Variants in ATP8B1 observed in about 807,000 individuals in gnomAD.
ATP8B1 encodes the protein phospholipid-transporting ATPase IC.
A neutral mutation model predicts 149.9 loss-of-function variants in ATP8B1; 80 were observed. The ratio of observed to expected loss-of-function variants is 0.53; its 90% confidence interval spans 0.45 to 0.64. The LOEUF (loss-of-function observed/expected upper bound fraction) is 0.64, where lower values mean the gene tolerates loss of function less well. ATP8B1 is among the 30% of genes least tolerant of loss of function. The pLI is 0.00. For missense variants in ATP8B1, 1,247 were observed against 1,552.6 expected, an observed-to-expected ratio of 0.80 and a Z score of 3.31; for synonymous variants, 536 against 562.8, an observed-to-expected ratio of 0.95 and a Z score of 0.67.
At chr18:57,742,658 C>A (rs953601902) in intron 1 of ATP8B1, among the ~76,000 whole-genome samples, 1 of 151,890 alleles carries the variant, frequency 6.6e-6, no homozygotes, top group African/African-American at 2.4e-5. Flanking sequence ...ATGGCAAGAC[C>A]CCATCTCTAC....
At chr18:57,693,674 C>A (rs1162962054) in intron 11 of ATP8B1, among the ~76,000 whole-genome samples, 1 of 152,022 alleles carries the variant, frequency 6.6e-6, no homozygotes, top group East Asian at 1.9e-4. Context: ...TGCCATTGTA[C>A]TCCAGCCTGG....
rs1355579885 is a variant in ATP8B1 at position 57,685,109 on chromosome 18, T to A, written c.1436A>T (p.His479Leu). 2 of 1,614,214 alleles carry A rather than the reference T, an allele frequency of 1.2e-6. No individual in the cohort carries two copies. The highest frequency in any genetic ancestry group is 1.7e-6 in the Non-Finnish European group (2 of 1,180,032). ...GTGGTTGTGTTGAGAGGCATCCCGA[T>A]GGTCCCCTGAGAAACAAACAGGACA... ...CCINGQIYGDHRDASQHNHNK... is the reference protein window; with the variant it reads ...CCINGQIYGDLRDASQHNHNK... Residue 479 changes from histidine (H) to leucine (L), a missense_variant, in exon 14 of 28, where the codon CAT becomes CTT. Physicochemically the swap from His to Leu is moderately conservative, Grantham distance 99. Transcript: ENST00000648908.
At chr18:57,699,819 C>T (rs1253656372) in intron 6 of ATP8B1, among the ~76,000 whole-genome samples, 3 of 152,160 alleles carry the variant, frequency 2.0e-5, no homozygotes, top group African/African-American at 7.2e-5. Flanking sequence ...TCCCAAAGTG[C>T]TGAGATTACA....
At chr18:57,779,610 A>G (rs1465326951) in intron 1 of ATP8B1, among the ~76,000 whole-genome samples, 1 of 152,180 alleles carries the variant, frequency 6.6e-6, no homozygotes, top group Non-Finnish European at 1.5e-5. Context: ...TAATGAAAGA[A>G]AAAATAGGGG....
chr18:57,681,428 CTGCCCT>C (rs1346585536), intron 15 of ATP8B1, among the ~76,000 whole-genome samples: 1 of 152,192 alleles, frequency 6.6e-6, no homozygotes, highest in Non-Finnish European at 1.5e-5. Flanking sequence ...GCTCAGAATT[CTGCCCT>C]ACAGAACCGT....
chr18:57,761,768 C>T (rs2080160364), intron 1 of ATP8B1, among the ~76,000 whole-genome samples: 1 of 150,920 alleles, frequency 6.6e-6, no homozygotes, highest in Non-Finnish European at 1.5e-5. Flanking sequence ...TTCTGGCCAA[C>T]ATGGTGAAAC....
chr18:57,648,372 A>T lies in ATP8B1; in HGVS notation c.*116T>A. 1 of 1,183,166 alleles carries T rather than the reference A, an allele frequency of 8.5e-7. No individual in the cohort carries two copies. Among genetic ancestry groups the T allele is most frequent in the South Asian group, 1.3e-5 (1 of 78,724 alleles). 73.3% of individuals were successfully genotyped at this position (1,183,166 alleles called of 1,614,324 possible). A position where few individuals can be genotyped will look rare whatever the true frequency, so the allele number is the denominator to read the frequency against. On this transcript the variant is annotated 3_prime_UTR_variant, in exon 28 of 28. Transcript: ENST00000648908. The stretch of plus-strand genomic sequence containing the variant: ...AAGGAGTTTGTTATAAAGATTATTT[A>T]TTGTCTTCAATATCTTTGTGATGAA...
At chr18:57,738,462 A>G (rs1185250829) in intron 1 of ATP8B1, among the ~76,000 whole-genome samples, 1 of 152,070 alleles carries the variant, frequency 6.6e-6, no homozygotes, top group Admixed American at 6.6e-5. Flanking sequence ...GTCCCTATTA[A>G]TAATACAAAA....
chr18:57,674,386 C>CTTG lies in ATP8B1; in HGVS notation c.1819+447_1819+448insCAA, dbSNP rs1555690423. On this transcript the variant is annotated intron_variant, in intron 16 of 27. Transcript: ENST00000648908. ...AGAATGAAGAAAACAATACCAGTTT[C>CTTG]TTTTTTTTTTTTTTTTGAGACGGAG... 1.1e-4 allele frequency among the ~76,000 whole-genome samples: 14 copies of CTTG among 128,374 alleles called. No homozygotes were observed. In the East Asian group the frequency reaches 3.3e-3, roughly 30 times the overall value. The allele number at this position is 128,374 out of a possible 152,430, so 84.2% of individuals were successfully genotyped here.
In ATP8B1 at chr18:57,706,599, A is replaced by C. The variant is rs767166733; in HGVS notation, c.182-12T>G. 3 of 1,604,840 alleles carry C rather than the reference A, an allele frequency of 1.9e-6. No homozygotes were observed. The East Asian group carries it at 6.7e-5, about 36-fold the overall frequency. The stretch of plus-strand genomic sequence containing the variant: ...TTGCCATGTACATTCTTTAAAAAAA[A>C]GGGAGAAAAGTTCGTAAGTAGCAAA... On this transcript the variant is annotated splice_polypyrimidine_tract_variant and intron_variant, in intron 2 of 27. Coordinates refer to ENST00000648908, the MANE Select transcript of ATP8B1 (RefSeq NM_001374385.1).
At chr18:57,774,427 G>C (rs1249865395) in intron 1 of ATP8B1, among the ~76,000 whole-genome samples, 1 of 152,142 alleles carries the variant, frequency 6.6e-6, no homozygotes, top group African/African-American at 2.4e-5. Flanking sequence ...GCGAAGCCCC[G>C]TCTCTACAAA....
At chr18:57,747,320 G>A (rs1415607477) in intron 1 of ATP8B1, among the ~76,000 whole-genome samples, 1 of 152,126 alleles carries the variant, frequency 6.6e-6, no homozygotes, top group African/African-American at 2.4e-5. Context: ...AGGCGTGGTG[G>A]CAGGCACCTG....
intron 1 of ATP8B1, among the ~76,000 whole-genome samples, chr18:57,762,128 T>C (rs574715193): frequency 0.016 from 1,274 of 80,002 alleles, 20 homozygotes; most frequent in African/African-American, 0.057. Context: ...CACACACACA[T>C]ATATATATAT....
chr18:57,723,102 A>T (rs1188077919), intron 2 of ATP8B1, among the ~76,000 whole-genome samples: 1 of 151,414 alleles, frequency 6.6e-6, no homozygotes, highest in Non-Finnish European at 1.5e-5. Flanking sequence ...CGTATTTCAA[A>T]ATAATAAGAG....
intron 2 of ATP8B1, among the ~76,000 whole-genome samples, chr18:57,708,157 C>CA (rs36027330): frequency 0.15 from 9,626 of 66,294 alleles, 905 homozygotes; most frequent in African/African-American, 0.28. Flanking sequence ...AACTCTGTCT[C>CA]AAAAAAAAAA....
intron 15 of ATP8B1, among the ~76,000 whole-genome samples, chr18:57,675,849 G>A (rs1247929498): frequency 1.3e-5 from 2 of 152,082 alleles, no homozygotes; most frequent in East Asian, 3.9e-4. Context: ...GGGATTACTG[G>A]TACACGCCAC....
At position 57,672,932 on chromosome 18, in the gene ATP8B1, A is replaced by G. The variant is rs1288152031; in HGVS notation, c.1820-1352T>C. Among the ~76,000 whole-genome samples, 14 of 32,100 alleles carry G rather than the reference A, an allele frequency of 4.4e-4. 1 individual carries two copies. The East Asian group carries it at 0.016, about 37-fold the overall frequency. 21.1% of individuals were successfully genotyped at this position (32,100 alleles called of 152,430 possible). On this transcript the variant is annotated intron_variant, in intron 16 of 27. Transcript: ENST00000648908. ...TATATATATATATATATATATATAT[A>G]ACATGTATATACACATATATACATA...
chr18:57,648,491 G>T lies in ATP8B1; in HGVS notation c.3753C>A (p.Ser1251Arg). Reference sequence around the variant, plus strand: ...ATCCCAGCCTGGGGGTAAGGGATCAGCTGTCCCCGGTGCGCCTGTACTCCG... The same window carrying T: ...ATCCCAGCCTGGGGGTAAGGGATCATCTGTCCCCGGTGCGCCTGTACTCCG... ...GTAEYRRTGD[S>R] is the part of the protein sequence containing the mutation. The change falls in exon 28 of 28, where the codon AGC (serine) becomes AGA (arginine). Residue 1251 changes from serine (S) to arginine (R), a missense_variant. Ser to Arg is a moderately radical substitution (Grantham distance 110, BLOSUM62 -1). Around this residue, in one of 3 missense-constraint regions of ATP8B1, gnomAD observed 164 missense variants for 160.3 expected, o/e 1.02. Coordinates refer to ENST00000648908, the MANE Select transcript of ATP8B1 (RefSeq NM_001374385.1). 6.2e-7 allele frequency: 1 copy of T among 1,611,218 alleles called. No homozygotes were observed. The highest frequency in any genetic ancestry group is 8.5e-7 in the Non-Finnish European group (1 of 1,179,992).
In ATP8B1 at chr18:57,771,845, G is replaced by A. The variant is rs146470048; in HGVS notation, c.-26+31153C>T. Among the ~76,000 whole-genome samples, 262 of 152,230 alleles carry A rather than the reference G, an allele frequency of 1.7e-3. 1 individual carries two copies. Among genetic ancestry groups the A allele is most frequent in the South Asian group, 0.01 (50 of 4,816 alleles). ...ACATTCAAAAGGGAACACAGCCTAAGGCACACAACTCATGATAAATACCTG... is the reference window on the plus strand; with the variant it reads ...ACATTCAAAAGGGAACACAGCCTAAAGCACACAACTCATGATAAATACCTG... On this transcript the variant is annotated intron_variant, in intron 1 of 27. Coordinates refer to ENST00000648908, the MANE Select transcript of ATP8B1 (RefSeq NM_001374385.1).
Sources: gnomAD v4.1 joint callset for allele counts (sites outside exome capture counted in the v4.1 genomes callset) on GRCh38, gnomAD v4.1.1 for gene constraint, gnomAD v4.1.1 regional missense constraint, MANE v1.5 for transcripts, NCBI Gene and HGNC (gene_info 2026-07-23, HGNC 2026-07-21) for gene names.